Variants in ZSCAN18 observed in about 807,000 individuals in gnomAD.
The protein encoded by ZSCAN18 is zinc finger and SCAN domain-containing protein 18.
ZSCAN18 carries 16 observed loss-of-function variants against 31.1 expected under a neutral mutation model. That is an observed-to-expected ratio of 0.51 (90% confidence interval 0.35 to 0.78). The LOEUF (loss-of-function observed/expected upper bound fraction) is 0.78, where lower values mean the gene tolerates loss of function less well. Among genes scored for constraint, ZSCAN18 ranks in the 30% least tolerant of loss-of-function variants. ZSCAN18 has a pLI of 0.01. For missense variants in ZSCAN18, 731 were observed against 697.4 expected, an observed-to-expected ratio of 1.05 and a Z score of -0.54; for synonymous variants, 375 against 320.7, an observed-to-expected ratio of 1.17 and a Z score of -1.81.
intron 3 of ZSCAN18, chr19:58,087,730 C>T: frequency 4.5e-6 from 1 of 220,640 alleles, no homozygotes; most frequent in Non-Finnish European, 9.2e-6. Flanking sequence ...TCACTGCAAC[C>T]TCCACCTCCT....
At chr19:58,110,850 G>A (rs1479807559) in intron 1 of ZSCAN18, among the ~76,000 whole-genome samples, 1 of 152,204 alleles carries the variant, frequency 6.6e-6, no homozygotes, top group African/African-American at 2.4e-5. Context: ...CTCCATGTGT[G>A]TATGACAATC....
At chr19:58,108,939 G>A (rs761274312) in intron 1 of ZSCAN18, 242 of 1,074,138 alleles carry the variant, frequency 2.3e-4, no homozygotes, top group Non-Finnish European at 2.5e-4. Context: ...GAATTTGACC[G>A]TTAGAGCCTT....
At chr19:58,112,702 C>A (rs2074694831) in intron 1 of ZSCAN18, among the ~76,000 whole-genome samples, 1 of 151,358 alleles carries the variant, frequency 6.6e-6, no homozygotes, top group South Asian at 2.1e-4. Flanking sequence ...GTAATCCCAG[C>A]ACTTGAGGAG....
intron 1 of ZSCAN18, among the ~76,000 whole-genome samples, chr19:58,092,157 T>C (rs751818914): frequency 2.0e-5 from 3 of 152,180 alleles, no homozygotes; most frequent in Non-Finnish European, 4.4e-5. Context: ...ATTTCTTCTT[T>C]GGTTGGTGAA....
chr19:58,110,935 G>T (rs2074677827), intron 1 of ZSCAN18, among the ~76,000 whole-genome samples: 2 of 152,142 alleles, frequency 1.3e-5, no homozygotes, highest in South Asian at 4.1e-4. Flanking sequence ...TTGGGAGGCT[G>T]AGGCAGGTGG....
intron 1 of ZSCAN18, chr19:58,118,131 G>C: frequency 2.4e-6 from 1 of 423,486 alleles, no homozygotes; most frequent in Non-Finnish European, 4.2e-6. Context: ...CCTCACGCCC[G>C]CCCCGCCGGG....
In ZSCAN18 at chr19:58,089,889, G is replaced by C. The variant is rs1308592223; in HGVS notation, c.379C>G (p.Leu127Val). The C allele has an allele frequency of 1.2e-6, 2 of 1,612,174 alleles. No individual in the cohort carries two copies. Among genetic ancestry groups the C allele is most frequent in the East Asian group, 2.2e-5 (1 of 44,834 alleles). Residue 127 changes from leucine (L) to valine (V), a missense_variant, in exon 2 of 7, where the codon CTC becomes GTC. Leu to Val is a conservative substitution (Grantham distance 32). Transcript: ENST00000601144. ...CKKAASLVEG[L>V]ADVLEEPGML... ...CCTGGCTCTTCCAGGACATCAGCGAGGCCCTCCACCAGGGAGGCTGCCTTC... is the reference window on the plus strand; with the variant it reads ...CCTGGCTCTTCCAGGACATCAGCGACGCCCTCCACCAGGGAGGCTGCCTTC...
rs1246480743 is a variant in ZSCAN18, at chr19:58,089,919, A to G, written c.349T>C (p.Cys117Arg). Residue 117 changes from cysteine (C) to arginine (R), a missense_variant, in exon 2 of 7, where the codon TGC becomes CGC. Transcript: ENST00000601144. ...PWVVAQYPES[C>R]KKAASLVEGL... is the part of the protein sequence containing the mutation. The stretch of plus-strand genomic sequence containing the variant: ...TCCACCAGGGAGGCTGCCTTCTTGC[A>G]GCTCTCAGGGTACTGTGCCACCACC... The G allele has an allele frequency of 6.2e-7, 1 of 1,613,808 alleles. No homozygotes were observed. The highest frequency in any genetic ancestry group is 1.1e-5 in the South Asian group (1 of 91,070).
At chr19:58,106,944 T>C (rs1336048142) in intron 1 of ZSCAN18, among the ~76,000 whole-genome samples, 1 of 151,590 alleles carries the variant, frequency 6.6e-6, no homozygotes, top group Non-Finnish European at 1.5e-5. Flanking sequence ...TTTGTATTTT[T>C]AGTAGAGATG....
upstream of ZSCAN18, among the ~76,000 whole-genome samples, chr19:58,102,132 G>T (rs12983701): frequency 0.55 from 82,874 of 151,796 alleles, 25,069 homozygotes; most frequent in Non-Finnish European, 0.68. Context: ...TAAGGACGGT[G>T]ACTTTTCCCT....
chr19:58,114,120 T>C (rs542890156), intron 1 of ZSCAN18, among the ~76,000 whole-genome samples: 188 of 151,884 alleles, frequency 1.2e-3, no homozygotes, highest in African/African-American at 4.4e-3. Flanking sequence ...ATACAAAAAT[T>C]AGCACGGCAT....
At chr19:58,096,979 T>G (rs2074530253) in intron 1 of ZSCAN18, among the ~76,000 whole-genome samples, 1 of 151,978 alleles carries the variant, frequency 6.6e-6, no homozygotes, top group Non-Finnish European at 1.5e-5. Context: ...AGGCCAGAAA[T>G]ACCCAGGAAG....
chr19:58,114,869 G>C (rs1378112338), intron 1 of ZSCAN18, among the ~76,000 whole-genome samples: 1 of 152,176 alleles, frequency 6.6e-6, no homozygotes, highest in African/African-American at 2.4e-5. Flanking sequence ...GATATTCCAG[G>C]ATCATCATTC....
intron 1 of ZSCAN18, among the ~76,000 whole-genome samples, chr19:58,105,945 C>G (rs1317449102): frequency 6.6e-6 from 1 of 151,976 alleles, no homozygotes; most frequent in African/African-American, 2.4e-5. Flanking sequence ...CGCCACTGCA[C>G]TCTAGCCGAG....
At chr19:58,105,675 TAAAAAAG>T (rs1568643268) in intron 1 of ZSCAN18, among the ~76,000 whole-genome samples, 1 of 148,210 alleles carries the variant, frequency 6.7e-6, no homozygotes, top group Admixed American at 6.7e-5. Context: ...AAATAAAAAA[TAAAAAAG>T]AAGAATGCAG....
rs141482782 is a variant in ZSCAN18 at position 58,084,920 on chromosome 19, C to T, written c.1298G>A (p.Ser433Asn). Residue 433 changes from serine to asparagine, a missense_variant, in exon 7 of 7, where the codon AGC (serine) becomes AAC (asparagine). This residue lies in a region of ZSCAN18 where 597 missense variants were observed against 499.5 expected (regional missense o/e 1.20). Transcript: ENST00000601144. The surrounding 1 kb of genome is among the most constrained non-coding windows in gnomAD (Gnocchi z 4.5). ...AWLSHLMEHH[S>N]SHGGRKRYAC... ...GTAGCGCTTCCGGCCGCCATGGCTGCTGTGGTGCTCCATCAGGTGCGAGAG... is the reference window on the plus strand; with the variant it reads ...GTAGCGCTTCCGGCCGCCATGGCTGTTGTGGTGCTCCATCAGGTGCGAGAG... 7.5e-6 allele frequency: 12 copies of T among 1,596,022 alleles called. No homozygotes were observed. The African/African-American group carries it at 9.4e-5, about 12-fold the overall frequency.
At chr19:58,089,821 T>C (rs1051477052) in intron 2 of ZSCAN18, 44 bp downstream of exon 2, 1 of 1,549,674 alleles carries the variant, frequency 6.5e-7, no homozygotes, top group Non-Finnish European at 8.7e-7. Context: ...CAGGATCCCC[T>C]CCCCATCTCC....
Position 58,087,383 on chromosome 19 carries a change from A to C in ZSCAN18, c.575T>G (p.Leu192Arg), listed in dbSNP as rs553110163. 19 of 1,602,968 alleles carry C rather than the reference A, an allele frequency of 1.2e-5. No homozygotes were observed. Among genetic ancestry groups the C allele is most frequent in the Non-Finnish European group, 1.5e-5 (18 of 1,174,426 alleles). ...TCTGACCCTCCTCTGTTCCAGAAAC[A>C]GGGGGTCCGGAGAAAGCCAGGCTGG... is the stretch of plus-strand genomic sequence containing the variant. ...SETPWLSPDP[L>R]FLEQRRVREA... Residue 192 changes from leucine (L) to arginine (R), a missense_variant, in exon 4 of 7, where the codon CTG becomes CGG. Leu to Arg is a moderately radical substitution (Grantham distance 102, BLOSUM62 -2). Around this residue, in one of 4 missense-constraint regions of ZSCAN18, gnomAD observed 597 missense variants for 499.5 expected, o/e 1.20. Coordinates refer to ENST00000601144, the MANE Select transcript of ZSCAN18 (RefSeq NM_001145543.2).
intron 2 of ZSCAN18, 95 bp downstream of exon 2, chr19:58,089,769 CT>C: frequency 6.8e-7 from 1 of 1,460,696 alleles, no homozygotes. Context: ...GTGTGGGGAA[CT>C]TAACTATCTC....
Sources: allele counts gnomAD v4.1 joint callset (sites outside exome capture counted in the v4.1 genomes callset), GRCh38; gene constraint gnomAD v4.1.1; regional missense constraint gnomAD v4.1.1; non-coding constraint Gnocchi (gnomAD v3.1); transcripts MANE v1.5; gene names NCBI Gene and HGNC (gene_info 2026-07-23, HGNC 2026-07-21).